Variants in TNRC6B observed in about 807,000 individuals in gnomAD.
The protein encoded by TNRC6B is trinucleotide repeat-containing gene 6B protein.
TNRC6B carries 52 observed loss-of-function variants against 203.6 expected under a neutral mutation model. The observed-to-expected ratio is 0.26, with a 90% CI of 0.20 to 0.32. The LOEUF is 0.32. TNRC6B is among the 10% of genes least tolerant of loss of function. TNRC6B has a pLI of 1.00. For synonymous variants in TNRC6B, 838 were observed against 845.7 expected, an observed-to-expected ratio of 0.99 and a Z score of 0.16; for missense variants, 1,923 against 2,286.2, an observed-to-expected ratio of 0.84 and a Z score of 3.24.
At chr22:40,263,850 T>C (rs921844776) in intron 4 of TNRC6B, among the ~76,000 whole-genome samples, 1 of 152,224 alleles carries the variant, frequency 6.6e-6, no homozygotes, top group Non-Finnish European at 1.5e-5. Context: ...AGATGCTTAC[T>C]CCGCAGCATT....
intron 4 of TNRC6B, among the ~76,000 whole-genome samples, chr22:40,156,418 G>T (rs191866088): frequency 6.4e-4 from 98 of 152,268 alleles, no homozygotes; most frequent in Non-Finnish European, 5.9e-5. Flanking sequence ...ATGTTATGTT[G>T]TAGCAAAGGC....
intron 1 of TNRC6B, among the ~76,000 whole-genome samples, chr22:40,059,591 A>G (rs1237520465): frequency 1.3e-5 from 2 of 152,174 alleles, no homozygotes; most frequent in South Asian, 2.1e-4. Flanking sequence ...GTGCGTTTTC[A>G]TAGTTGCACT....
At chr22:40,306,978 C>T (rs973554793) in intron 15 of TNRC6B, among the ~76,000 whole-genome samples, 5 of 152,088 alleles carry the variant, frequency 3.3e-5, no homozygotes, top group Non-Finnish European at 7.4e-5. Context: ...ACAGAGACTC[C>T]ATCTCCAAAA....
At chr22:40,154,865 A>G (rs1220589220) in intron 3 of TNRC6B, among the ~76,000 whole-genome samples, 2 of 30,866 alleles carry the variant, frequency 6.5e-5, no homozygotes, top group Non-Finnish European at 1.1e-4. Context: ...AAAAAAATAT[A>G]TATATATATA....
At chr22:40,059,381 G>GT (rs2067828789) in intron 1 of TNRC6B, among the ~76,000 whole-genome samples, 1 of 152,080 alleles carries the variant, frequency 6.6e-6, no homozygotes, top group Admixed American at 6.6e-5. Flanking sequence ...AGATTTCGAT[G>GT]TTTTTTTAAA....
intron 3 of TNRC6B, among the ~76,000 whole-genome samples, chr22:40,126,080 T>C (rs2068490807): frequency 6.6e-6 from 1 of 152,196 alleles, no homozygotes; most frequent in South Asian, 2.1e-4. Flanking sequence ...AACTTTATAA[T>C]TTATTTTTAG....
upstream of TNRC6B, among the ~76,000 whole-genome samples, chr22:40,177,364 C>T (rs1235784090): frequency 1.3e-5 from 2 of 152,154 alleles, no homozygotes; most frequent in Non-Finnish European, 2.9e-5. Context: ...ACCAGTCCCT[C>T]TTCTGCAGCT....
chr22:40,222,326 A>G (rs1402056006), intron 1 of TNRC6B, among the ~76,000 whole-genome samples: 2 of 152,206 alleles, frequency 1.3e-5, no homozygotes, highest in African/African-American at 2.4e-5. Context: ...AAGGGGATGC[A>G]TAGATGAAAG....
chr22:40,288,672 A>T (rs2070824288), intron 12 of TNRC6B, among the ~76,000 whole-genome samples: 1 of 151,858 alleles, frequency 6.6e-6, no homozygotes, highest in African/African-American at 2.4e-5. Context: ...CCTCCCGAGT[A>T]GCTGGGACTA....
chr22:40,317,583 TA>T (rs375486025), intron 21 of TNRC6B, among the ~76,000 whole-genome samples: 4 of 151,724 alleles, frequency 2.6e-5, no homozygotes, highest in East Asian at 1.9e-4. Context: ...TCTGAAAAAA[TA>T]AAAAAAAGCT....
intron 4 of TNRC6B, among the ~76,000 whole-genome samples, chr22:40,167,857 G>A (rs771880367): frequency 5.3e-5 from 8 of 152,056 alleles, no homozygotes; most frequent in South Asian, 2.1e-4. Flanking sequence ...GCAACAGAGC[G>A]AGACCTTGTC....
rs78110525 is a variant in TNRC6B, at chr22:40,324,862, CT to C, written c.*1635del. On this transcript the variant is annotated 3_prime_UTR_variant, in exon 23 of 23. Transcript: ENST00000454349. ...CTTTTTTAATTTCGGTATTTAAATACTTTTTTTTTTTTTTAAGCATCAATGT... is the reference window on the plus strand; with the variant it reads ...CTTTTTTAATTTCGGTATTTAAATACTTTTTTTTTTTTTAAGCATCAATGT... The C allele has an allele frequency of 2.7e-3, 383 of 142,698 alleles. No homozygotes were observed. Among genetic ancestry groups the C allele is most frequent in the East Asian group, 4.6e-3 (23 of 4,970 alleles). 8.8% of individuals were successfully genotyped at this position (142,698 alleles called of 1,614,324 possible).
intron 1 of TNRC6B, among the ~76,000 whole-genome samples, chr22:40,109,538 A>C (rs1437847597): frequency 1.3e-5 from 2 of 152,232 alleles, no homozygotes; most frequent in East Asian, 3.8e-4. Flanking sequence ...GATCAGTGAT[A>C]GTGAGCTTTT....
chr22:40,165,328 T>C (rs1374452892), intron 4 of TNRC6B, among the ~76,000 whole-genome samples: 1 of 151,744 alleles, frequency 6.6e-6, no homozygotes, highest in Admixed American at 6.6e-5. Flanking sequence ...AGGCACGCAC[T>C]ACCATGCCTG....
intron 1 of TNRC6B, among the ~76,000 whole-genome samples, chr22:40,188,267 G>A (rs930911908): frequency 6.6e-6 from 1 of 152,086 alleles, no homozygotes; most frequent in Non-Finnish European, 1.5e-5. Context: ...ATCAAACCTT[G>A]TTCACACTGG....
At chr22:40,143,729 C>T (rs1480226812) in intron 3 of TNRC6B, among the ~76,000 whole-genome samples, 1 of 152,302 alleles carries the variant, frequency 6.6e-6, no homozygotes, top group East Asian at 1.9e-4. Context: ...ATCTCCTGAC[C>T]TCGTGATCCG....
chr22:40,175,987 C>T (rs1441903958), upstream of TNRC6B, among the ~76,000 whole-genome samples: 3 of 152,146 alleles, frequency 2.0e-5, no homozygotes, highest in Non-Finnish European at 4.4e-5. Flanking sequence ...CAAGGAAAGC[C>T]GGGTTTCTAG....
At chr22:40,147,430 C>G (rs544808396) in intron 3 of TNRC6B, among the ~76,000 whole-genome samples, 43 of 152,298 alleles carry the variant, frequency 2.8e-4, no homozygotes, top group African/African-American at 9.9e-4. Flanking sequence ...ATACCACAGA[C>G]TAGGTACTTT....
At chr22:40,278,153 T>C (rs2070673276) in intron 9 of TNRC6B, 109 bp downstream of exon 9, 1 of 839,604 alleles carries the variant, frequency 1.2e-6, no homozygotes, top group Admixed American at 2.0e-5. Flanking sequence ...AGACATTGAT[T>C]GAGCACTTAC....
Sources: gnomAD v4.1 joint callset for allele counts (sites outside exome capture counted in the v4.1 genomes callset) on GRCh38, gnomAD v4.1.1 for gene constraint, MANE v1.5 for transcripts, NCBI Gene and HGNC (gene_info 2026-07-23, HGNC 2026-07-21) for gene names.